SAMD5: variants seen among roughly 807,000 people sequenced by gnomAD.
SAMD5 encodes the protein sterile alpha motif domain-containing protein 5.
A neutral mutation model predicts 11.3 loss-of-function variants in SAMD5; 13 were observed. That is an observed-to-expected ratio of 1.15 (90% CI 0.75 to 1.83). The LOEUF (loss-of-function observed/expected upper bound fraction) is 1.83, where lower values mean the gene tolerates loss of function less well. Among genes scored for constraint, SAMD5 ranks in the 40% most tolerant of loss-of-function variants. The pLI is 0.00. For synonymous variants in SAMD5, 129 were observed against 111.3 expected (o/e 1.16, Z -1.00); for missense variants, 255 against 239.1 (o/e 1.07, Z -0.44).
chr6:147,673,816 T>C (rs34779206), intron 1 of SAMD5, among the ~76,000 whole-genome samples: 8,424 of 152,058 alleles, frequency 0.055, 332 homozygotes, highest in African/African-American at 0.11. Flanking sequence ...GAATGAAAGA[T>C]GGAGGGAAAA....
chr6:147,581,454 A>T (rs1277661923), intron 1 of SAMD5, among the ~76,000 whole-genome samples: 1 of 152,170 alleles, frequency 6.6e-6, no homozygotes, highest in African/African-American at 2.4e-5. Context: ...CAGCGGGAAG[A>T]GTGAGGAGAG....
chr6:147,926,284 G>A, the SAMD5 span, among the ~76,000 whole-genome samples: 2 of 152,140 alleles, frequency 1.3e-5, no homozygotes, highest in African/African-American at 2.4e-5. Flanking sequence ...CAATGGTTGA[G>A]CTAATTTACA....
At chr6:147,799,879 C>T in the SAMD5 span, among the ~76,000 whole-genome samples, 15 of 152,178 alleles carry the variant, frequency 9.9e-5, no homozygotes, top group Non-Finnish European at 1.8e-4. Context: ...GAGGCTTCTG[C>T]ATTCTTCACG....
chr6:147,573,342 C>T (rs973217815), downstream of SAMD5, among the ~76,000 whole-genome samples: 1 of 152,182 alleles, frequency 6.6e-6, no homozygotes, highest in Non-Finnish European at 1.5e-5. Flanking sequence ...AAGGGGAAAG[C>T]AAGGACTCAC....
rs71031029 is a variant in SAMD5 at position 147,515,176 on chromosome 6, GTTTTTTTTTTT to G, written c.459+5810_459+5820del. 3.3e-3 allele frequency among the ~76,000 whole-genome samples: 251 copies of G among 75,042 alleles called. 2 individuals are homozygous for G. The highest frequency in any genetic ancestry group is 0.012 in the African/African-American group (241 of 20,384). The allele number at this position is 75,042 out of a possible 152,430, so 49.2% of individuals were successfully genotyped here. ...ATACCCTCAACCTATATCCTTCCAG[GTTTTTTTTTTT>G]TTTTTTTTTTTTTTTTTTTTGCTTT... On this transcript the variant is annotated intron_variant, in intron 1 of 1. Transcript: ENST00000367474.
chr6:147,866,530 A>G, the SAMD5 span, among the ~76,000 whole-genome samples: 1 of 152,214 alleles, frequency 6.6e-6, no homozygotes, highest in South Asian at 2.1e-4. Context: ...CCAAAATGCC[A>G]ATAAGATTAT....
intron 1 of SAMD5, among the ~76,000 whole-genome samples, chr6:147,595,959 C>G (rs1000084710): frequency 6.6e-6 from 1 of 152,120 alleles, no homozygotes; most frequent in Non-Finnish European, 1.5e-5. Context: ...TTAGGATGTA[C>G]ATGAATGTGG....
the SAMD5 span, among the ~76,000 whole-genome samples, chr6:147,937,076 T>G: frequency 6.6e-6 from 1 of 152,198 alleles, no homozygotes. Context: ...ACTAGTCATA[T>G]AATCCTGGGA....
chr6:147,942,959 G>A, the SAMD5 span, among the ~76,000 whole-genome samples: 1 of 151,810 alleles, frequency 6.6e-6, no homozygotes, highest in Non-Finnish European at 1.5e-5. Context: ...GATTACAGGT[G>A]CACGCCACCA....
chr6:147,526,604 C>T (rs1788344997), intron 1 of SAMD5, among the ~76,000 whole-genome samples: 1 of 152,196 alleles, frequency 6.6e-6, no homozygotes, highest in South Asian at 2.1e-4. Context: ...CTAGGCAGAG[C>T]CACAGTGTGG....
chr6:147,581,338 A>G (rs773371673), intron 1 of SAMD5, among the ~76,000 whole-genome samples: 9 of 152,168 alleles, frequency 5.9e-5, no homozygotes, highest in Admixed American at 1.3e-4. Context: ...GAAGTTACCT[A>G]TATGTGTGCA....
At chr6:147,649,932 T>C (rs1430329191) in intron 1 of SAMD5, among the ~76,000 whole-genome samples, 1 of 152,202 alleles carries the variant, frequency 6.6e-6, no homozygotes, top group Non-Finnish European at 1.5e-5. Flanking sequence ...AATGGTATTG[T>C]TTATTAATAA....
At chr6:147,819,536 G>C in the SAMD5 span, among the ~76,000 whole-genome samples, 2 of 152,164 alleles carry the variant, frequency 1.3e-5, no homozygotes, top group Non-Finnish European at 2.9e-5. Flanking sequence ...AAGAAATATA[G>C]ACAAAATTGT....
At chr6:147,875,698 C>T in the SAMD5 span, among the ~76,000 whole-genome samples, 2 of 151,998 alleles carry the variant, frequency 1.3e-5, no homozygotes, top group African/African-American at 4.8e-5. Flanking sequence ...CATCAGTGGC[C>T]GCGTTAGATT....
At chr6:147,836,978 G>A in the SAMD5 span, among the ~76,000 whole-genome samples, 25 of 152,278 alleles carry the variant, frequency 1.6e-4, no homozygotes, top group East Asian at 7.7e-4. Context: ...ATTTGTTTCT[G>A]TAAAAAACTT....
chr6:147,905,727 T>G, the SAMD5 span, among the ~76,000 whole-genome samples: 1 of 152,190 alleles, frequency 6.6e-6, no homozygotes, highest in South Asian at 2.1e-4. Context: ...GAAAATTAAT[T>G]GATTTCAGAG....
At chr6:147,910,016 G>A in the SAMD5 span, among the ~76,000 whole-genome samples, 50 of 152,154 alleles carry the variant, frequency 3.3e-4, no homozygotes, top group African/African-American at 9.9e-4. Flanking sequence ...GACAATTTTC[G>A]GGGAGAGCAA....
intron 1 of SAMD5, among the ~76,000 whole-genome samples, chr6:147,538,930 A>G (rs1253141325): frequency 6.6e-6 from 1 of 152,120 alleles, no homozygotes; most frequent in Non-Finnish European, 1.5e-5. Flanking sequence ...GAGCTTTTTT[A>G]TATATAAACA....
At chr6:147,686,217 A>G (rs1046306500) in intron 1 of SAMD5, among the ~76,000 whole-genome samples, 1 of 152,182 alleles carries the variant, frequency 6.6e-6, no homozygotes, top group East Asian at 1.9e-4. Flanking sequence ...CATATATTGC[A>G]GGCATCTTCT....
Sources: gnomAD v4.1 joint callset for allele counts (sites outside exome capture counted in the v4.1 genomes callset) on GRCh38, gnomAD v4.1.1 for gene constraint, MANE v1.5 for transcripts, NCBI Gene and HGNC (gene_info 2026-07-23, HGNC 2026-07-21) for gene names.